GATAD1: variants seen among roughly 807,000 people sequenced by gnomAD.
GATAD1 encodes GATA zinc finger domain-containing protein 1.
Under a neutral mutation model 26.5 loss-of-function variants are expected in GATAD1, and 12 were observed. The observed-to-expected ratio is 0.45, with a 90% CI of 0.29 to 0.73. GATAD1 has a LOEUF of 0.73. Among genes scored for constraint, GATAD1 ranks in the 30% least tolerant of loss-of-function variants. The pLI is 0.10. For missense variants in GATAD1, 266 were observed against 342.1 expected (o/e 0.78, Z 1.75); for synonymous variants, 129 against 133.1 (o/e 0.97, Z 0.21).
chr7:92,461,690 T>C (rs2115910868), downstream of GATAD1, among the ~76,000 whole-genome samples: 1 of 152,212 alleles, frequency 6.6e-6, no homozygotes, highest in East Asian at 1.9e-4. Context: ...AAGCAAAGAA[T>C]AAAATGGGAG....
At chr7:92,478,696 A>C in the GATAD1 span, among the ~76,000 whole-genome samples, 2 of 152,322 alleles carry the variant, frequency 1.3e-5, no homozygotes, top group South Asian at 4.1e-4. Flanking sequence ...TTGTAATAAG[A>C]AGCAACCCTC....
At chr7:92,462,592 A>T (rs1000489446), downstream of GATAD1, among the ~76,000 whole-genome samples, 2 of 152,236 alleles carry the variant, frequency 1.3e-5, no homozygotes, top group Non-Finnish European at 2.9e-5. Context: ...GGTAATCTAA[A>T]TGGTGTTACA....
In GATAD1 at chr7:92,454,526, G is replaced by A; in HGVS notation, c.460G>A (p.Val154Ile). 8 of 1,612,222 alleles carry A rather than the reference G, an allele frequency of 5.0e-6. No homozygotes were observed. Among genetic ancestry groups the A allele is most frequent in the Non-Finnish European group, 5.9e-6 (7 of 1,178,326 alleles). Residue 154 changes from valine to isoleucine, a missense_variant, in exon 4 of 5, where the codon GTT (valine) becomes ATT (isoleucine). Coordinates refer to ENST00000287957, the MANE Select transcript of GATAD1 (RefSeq NM_021167.5). ...GGGAGTATATTACCAAATTGGTGAT[G>A]TTGTTTCTGTGATTGATGAACAAGA... Reference protein sequence around the residue: ...YKGVYYQIGDVVSVIDEQDGK... With the variant: ...YKGVYYQIGDIVSVIDEQDGK...
At chr7:92,488,416 A>G in the GATAD1 span, among the ~76,000 whole-genome samples, 1 of 152,192 alleles carries the variant, frequency 6.6e-6, no homozygotes, top group Non-Finnish European at 1.5e-5. Context: ...AGCAGCTTCT[A>G]AAGACCAGGA....
chr7:92,491,181 G>A, the GATAD1 span: 280 of 855,266 alleles, frequency 3.3e-4, 1 homozygote, highest in African/African-American at 3.9e-3. Context: ...GGAAGAATAT[G>A]TGGGGCTGGT....
chr7:92,478,166 A>G, the GATAD1 span, among the ~76,000 whole-genome samples: 1 of 152,172 alleles, frequency 6.6e-6, no homozygotes, highest in African/African-American at 2.4e-5. Context: ...TAGTCGGCCT[A>G]GGAAATCCAG....
At chr7:92,456,054 TG>T (rs1196463464) in intron 4 of GATAD1, among the ~76,000 whole-genome samples, 1 of 152,126 alleles carries the variant, frequency 6.6e-6, no homozygotes, top group Admixed American at 6.5e-5. Context: ...ATATGTAAAA[TG>T]GGAATAATAA....
chr7:92,463,209 A>G (rs1311588767), downstream of GATAD1, among the ~76,000 whole-genome samples: 1 of 152,196 alleles, frequency 6.6e-6, no homozygotes, highest in Admixed American at 6.5e-5. Flanking sequence ...TAGATACAGA[A>G]CATTAGAGGT....
chr7:92,447,627 C>T lies in GATAD1; in HGVS notation c.-103C>T, dbSNP rs13246618. 19 of 1,311,744 alleles carry T rather than the reference C, an allele frequency of 1.4e-5. No individual in the cohort carries two copies. The East Asian group carries it at 4.6e-4, about 32-fold the overall frequency. 81.3% of individuals were successfully genotyped at this position (1,311,744 alleles called of 1,614,324 possible). On this transcript the variant is annotated 5_prime_UTR_variant, in exon 1 of 5. Transcript: ENST00000287957. ...CAGCTCCGTGCCGACGCTCTCACCGCTCTTCCTATCGCCGGGAGTGGCGGG... is the reference window on the plus strand; with the variant it reads ...CAGCTCCGTGCCGACGCTCTCACCGTTCTTCCTATCGCCGGGAGTGGCGGG...
rs1484327042 is a variant in GATAD1 at position 92,459,687 on chromosome 7, T to C, written c.*3125T>C. 4.6e-5 allele frequency among the ~76,000 whole-genome samples: 7 copies of C among 152,238 alleles called. No individual in the cohort carries two copies. Among genetic ancestry groups the C allele is most frequent in the Admixed American group, 3.9e-4 (6 of 15,284 alleles). On this transcript the variant is annotated 3_prime_UTR_variant, in exon 5 of 5. Transcript: ENST00000287957. ...CTTTTTGGAATCAATCTCTATCCTA[T>C]TGTCATCACATTTAAGTTTCTACTT...
intron 2 of GATAD1, chr7:92,449,138 ACAT>A: frequency 1.7e-6 from 2 of 1,153,780 alleles, no homozygotes; most frequent in African/African-American, 3.1e-5. Context: ...TTTAAAAGAA[ACAT>A]CAACCTTGAG....
downstream of GATAD1, among the ~76,000 whole-genome samples, chr7:92,464,731 A>G (rs1342127507): frequency 6.6e-6 from 1 of 152,200 alleles, no homozygotes; most frequent in Non-Finnish European, 1.5e-5. Context: ...TAAAAGGACA[A>G]CCAGAAGAGT....
At chr7:92,488,461 T>C in the GATAD1 span, among the ~76,000 whole-genome samples, 1 of 152,194 alleles carries the variant, frequency 6.6e-6, no homozygotes, top group Non-Finnish European at 1.5e-5. Context: ...CACTGAATCA[T>C]TGACCTAGAA....
At chr7:92,465,064 A>G (rs1321192093), downstream of GATAD1, 1 of 152,210 alleles carries the variant, frequency 6.6e-6, no homozygotes, top group Non-Finnish European at 1.5e-5. Context: ...AGATGTACGG[A>G]TTTAGAGACC....
chr7:92,470,176 G>T, the GATAD1 span: 2 of 778,638 alleles, frequency 2.6e-6, no homozygotes, highest in Non-Finnish European at 4.8e-6. Flanking sequence ...GCAGTTGCGG[G>T]GCATATGGGT....
intron 2 of GATAD1, 104 bp downstream of exon 2, chr7:92,448,981 C>T (rs1789299877): frequency 1.6e-6 from 2 of 1,265,198 alleles, no homozygotes; most frequent in Non-Finnish European, 2.3e-6. Flanking sequence ...CTTGGTAGCC[C>T]TTCCTTAGTA....
chr7:92,478,466 A>G, the GATAD1 span, among the ~76,000 whole-genome samples: 2 of 152,180 alleles, frequency 1.3e-5, no homozygotes, highest in Admixed American at 1.3e-4. Flanking sequence ...TGGGCTGATT[A>G]TAAGTGGGGA....
chr7:92,454,568 G>T lies in GATAD1; in HGVS notation c.502G>T (p.Ala168Ser). ...IDEQDGKPYY[A>S]QIRGFIQDQY... is the part of the protein sequence containing the mutation. ...TGAACAAGATGGAAAGCCCTACTAT[G>T]CTCAAATCAGAGGTTTTATCCAGGA... is the stretch of plus-strand genomic sequence containing the variant. Residue 168 changes from alanine to serine, a missense_variant, in exon 4 of 5, where the codon GCT becomes TCT. Ala to Ser is a moderately conservative substitution (Grantham distance 99, BLOSUM62 1). Coordinates refer to ENST00000287957, the MANE Select transcript of GATAD1 (RefSeq NM_021167.5). The T allele has an allele frequency of 6.2e-7, 1 of 1,612,922 alleles. No homozygotes were observed.
In GATAD1 at chr7:92,459,727, C is replaced by G. The variant is rs1789847661; in HGVS notation, c.*3165C>G. 1.3e-5 allele frequency among the ~76,000 whole-genome samples: 2 copies of G among 152,236 alleles called. No homozygotes were observed. The highest frequency in any genetic ancestry group is 2.9e-5 in the Non-Finnish European group (2 of 68,028). ...AGTTTCTACTTCCATCATCCTCACTCCTATCCCTTTGGTCCTGGGATGACA... is the reference window on the plus strand; with the variant it reads ...AGTTTCTACTTCCATCATCCTCACTGCTATCCCTTTGGTCCTGGGATGACA... On this transcript the variant is annotated 3_prime_UTR_variant, in exon 5 of 5. Coordinates refer to ENST00000287957, the MANE Select transcript of GATAD1 (RefSeq NM_021167.5).
Sources: gnomAD v4.1 joint callset for allele counts (sites outside exome capture counted in the v4.1 genomes callset) on GRCh38, gnomAD v4.1.1 for gene constraint, MANE v1.5 for transcripts, NCBI Gene and HGNC (gene_info 2026-07-23, HGNC 2026-07-21) for gene names.